SLC39A11: variants seen among roughly 807,000 people sequenced by gnomAD.
SLC39A11 encodes the protein solute carrier family 39 member 11, also known as zinc transporter ZIP11.
Under a neutral mutation model 36.1 loss-of-function variants are expected in SLC39A11, and 33 were observed. The observed-to-expected ratio is 0.91, with a 90% CI of 0.69 to 1.22. The LOEUF is 1.22. Among genes scored for constraint, SLC39A11 ranks in the 50% most tolerant of loss-of-function variants. The pLI is 0.00. For synonymous variants in SLC39A11, 166 were observed against 170.3 expected (o/e 0.97, Z 0.20); for missense variants, 432 against 430.3 (o/e 1.00, Z -0.03).
At chr17:73,084,955 C>G (rs2060671609) in intron 2 of SLC39A11, 109 bp from the exon 3 acceptor site, 1 of 1,130,678 alleles carries the variant, frequency 8.8e-7, no homozygotes, top group East Asian at 2.4e-5. Flanking sequence ...AAAGACTGGC[C>G]GACTCCTGAG....
rs781750150 is a variant in SLC39A11, at chr17:72,687,266, A to AT, written c.672-37999dup. Among the ~76,000 whole-genome samples the AT allele has an allele frequency of 2.7e-3, 395 of 147,098 alleles. 1 individual carries two copies. The highest frequency in any genetic ancestry group is 6.2e-3 in the East Asian group (31 of 5,034). ...GGCTGGCAAACTCTTGGGTAGGAGC[A>AT]TTTTTTTTTTAGACAGTCTCGCTCT... On this transcript the variant is annotated intron_variant, in intron 7 of 9. Coordinates refer to ENST00000255559, the MANE Select transcript of SLC39A11 (RefSeq NM_139177.4).
At chr17:72,715,350 A>G (rs905791560) in intron 7 of SLC39A11, among the ~76,000 whole-genome samples, 1 of 152,256 alleles carries the variant, frequency 6.6e-6, no homozygotes, top group Non-Finnish European at 1.5e-5. Context: ...TCTTACATTC[A>G]TGTTCACAAG....
chr17:72,777,429 A>G (rs1185593438), intron 6 of SLC39A11, among the ~76,000 whole-genome samples: 1 of 152,158 alleles, frequency 6.6e-6, no homozygotes, highest in Non-Finnish European at 1.5e-5. Flanking sequence ...TTACAGATGT[A>G]AACAGTCAAG....
At chr17:73,046,468 G>A (rs1377042083) in intron 3 of SLC39A11, among the ~76,000 whole-genome samples, 1 of 151,882 alleles carries the variant, frequency 6.6e-6, no homozygotes, top group Non-Finnish European at 1.5e-5. Flanking sequence ...CCCCCTCCTA[G>A]GACTGCCCGA....
intron 5 of SLC39A11, among the ~76,000 whole-genome samples, chr17:72,858,469 G>T (rs1264204079): frequency 1.3e-5 from 2 of 152,048 alleles, no homozygotes; most frequent in Non-Finnish European, 2.9e-5. Flanking sequence ...CCTCCTTTTT[G>T]GTTTCACATG....
chr17:72,780,923 G>A (rs1239674537), intron 6 of SLC39A11, among the ~76,000 whole-genome samples: 1 of 152,182 alleles, frequency 6.6e-6, no homozygotes, highest in African/African-American at 2.4e-5. Flanking sequence ...GGAGGCGGAG[G>A]TTGTGGTGAG....
intron 7 of SLC39A11, among the ~76,000 whole-genome samples, chr17:72,706,494 C>G (rs114371556): frequency 6.6e-6 from 1 of 152,178 alleles, no homozygotes; most frequent in Admixed American, 6.5e-5. Context: ...TCTCAAAGAA[C>G]ACTCTGGCAA....
At chr17:72,728,332 G>T (rs1425443471) in intron 7 of SLC39A11, among the ~76,000 whole-genome samples, 1 of 152,036 alleles carries the variant, frequency 6.6e-6, no homozygotes, top group Non-Finnish European at 1.5e-5. Flanking sequence ...CAGCTGCTTG[G>T]GAGGGATGCT....
chr17:73,082,116 T>TAAAAA (rs1462631665), intron 3 of SLC39A11, among the ~76,000 whole-genome samples: 13 of 80,306 alleles, frequency 1.6e-4, no homozygotes, highest in African/African-American at 2.7e-4. Flanking sequence ...CTACTGAAAC[T>TAAAAA]AAAAAAAAAG....
intron 6 of SLC39A11, among the ~76,000 whole-genome samples, chr17:72,762,129 C>T (rs754785854): frequency 1.5e-4 from 23 of 152,146 alleles, no homozygotes; most frequent in Non-Finnish European, 2.4e-4. Flanking sequence ...ATAGGGGCTG[C>T]GTAAAATGAG....
At chr17:72,944,541 A>G (rs1267560721) in intron 5 of SLC39A11, among the ~76,000 whole-genome samples, 1 of 151,970 alleles carries the variant, frequency 6.6e-6, no homozygotes, top group African/African-American at 2.4e-5. Flanking sequence ...AAACACACAC[A>G]CACACATACA....
chr17:73,023,862 C>T (rs755961964), intron 4 of SLC39A11, among the ~76,000 whole-genome samples: 7 of 151,978 alleles, frequency 4.6e-5, no homozygotes, highest in Non-Finnish European at 7.4e-5. Flanking sequence ...AAGCTGGGCA[C>T]GTAAAGAAAC....
chr17:72,847,821 T>A (rs1238334168), intron 6 of SLC39A11, among the ~76,000 whole-genome samples: 1 of 152,180 alleles, frequency 6.6e-6, no homozygotes, highest in East Asian at 1.9e-4. Flanking sequence ...GGGATCAACA[T>A]CTGCAGAAGC....
At position 73,031,813 on chromosome 17, in the gene SLC39A11, A is replaced by G. The variant is rs2058747780; in HGVS notation, c.148-99T>C. On this transcript the variant is annotated intron_variant, in intron 3 of 9. Coordinates refer to ENST00000255559, the MANE Select transcript of SLC39A11 (RefSeq NM_139177.4). ...TCTGTGGCCCAGATTGACCCCTACAATTTCACATGAGTTCAGTCTTTCGTC... is the reference window on the plus strand; with the variant it reads ...TCTGTGGCCCAGATTGACCCCTACAGTTTCACATGAGTTCAGTCTTTCGTC... 4 of 1,203,442 alleles carry G rather than the reference A, an allele frequency of 3.3e-6. No individual in the cohort carries two copies. The African/African-American group carries it at 4.6e-5, about 14-fold the overall frequency. The allele number at this position is 1,203,442 out of a possible 1,614,324, so 74.5% of individuals were successfully genotyped here.
At chr17:72,959,806 C>G (rs1336929209) in intron 4 of SLC39A11, among the ~76,000 whole-genome samples, 4 of 152,198 alleles carry the variant, frequency 2.6e-5, no homozygotes, top group African/African-American at 9.7e-5. Flanking sequence ...AGTCACCACT[C>G]TCTGTGCCTC....
At chr17:72,851,021 G>A (rs182845727) in intron 5 of SLC39A11, among the ~76,000 whole-genome samples, 33 of 152,058 alleles carry the variant, frequency 2.2e-4, no homozygotes, top group Admixed American at 1.0e-3. Context: ...ACAATGGAAC[G>A]AGGGAAGCGG....
intron 7 of SLC39A11, among the ~76,000 whole-genome samples, chr17:72,695,267 G>A (rs2072239928): frequency 6.6e-6 from 1 of 152,142 alleles, no homozygotes; most frequent in African/African-American, 2.4e-5. Flanking sequence ...CAGGAGTTTT[G>A]AGCCATTCCT....
chr17:72,983,290 C>T (rs892718351), intron 4 of SLC39A11, among the ~76,000 whole-genome samples: 14 of 152,208 alleles, frequency 9.2e-5, no homozygotes, highest in African/African-American at 3.4e-4. Context: ...GCTGGGATTA[C>T]AGGCAAGCGC....
intron 6 of SLC39A11, among the ~76,000 whole-genome samples, chr17:72,842,335 C>A (rs1007966832): frequency 1.3e-5 from 2 of 152,164 alleles, no homozygotes; most frequent in African/African-American, 4.8e-5. Context: ...TCACAGTTAT[C>A]ATCCAATGCT....
Sources: allele counts gnomAD v4.1 joint callset (sites outside exome capture counted in the v4.1 genomes callset), GRCh38; gene constraint gnomAD v4.1.1; transcripts MANE v1.5; gene names NCBI Gene and HGNC (gene_info 2026-07-23, HGNC 2026-07-21).